The following COL6A5 variants were observed in gnomAD, a reference collection of about 807,000 sequenced individuals.
The protein encoded by COL6A5 is collagen type VI alpha 5 chain.
COL6A5 carries 48 observed loss-of-function variants against 65.6 expected under a neutral mutation model. The ratio of observed to expected loss-of-function variants is 0.73; its 90% CI spans 0.58 to 0.93. COL6A5 has a LOEUF of 0.93. Among genes scored for constraint, COL6A5 ranks in the 40% least tolerant of loss-of-function variants. The probability of loss-of-function intolerance (pLI) is 0.00; values close to 1 mark genes in which losing one functional copy is unlikely to be tolerated. For missense variants in COL6A5, 914 were observed against 928.3 expected (o/e 0.98, Z 0.20); for synonymous variants, 291 against 322.8 (o/e 0.90, Z 1.05).
At chr3:130,425,436 A>G (rs1418179017) in intron 29 of COL6A5, among the ~76,000 whole-genome samples, 1 of 152,168 alleles carries the variant, frequency 6.6e-6, no homozygotes, top group African/African-American at 2.4e-5. Flanking sequence ...TGAAGTGAGC[A>G]TACAGGCATT....
chr3:130,411,774 C>G (rs1937183212), intron 20 of COL6A5, among the ~76,000 whole-genome samples: 1 of 152,108 alleles, frequency 6.6e-6, no homozygotes, highest in African/African-American at 2.4e-5. Context: ...GTGGTATAGG[C>G]AATAAATCAT....
At chr3:130,484,007 A>G (rs544395271) in intron 7 of COL6A5, 28 bp from the exon 41 acceptor site, 5 of 1,600,622 alleles carry the variant, frequency 3.1e-6, no homozygotes, top group Non-Finnish European at 4.3e-6. Context: ...ATGACATTAA[A>G]AGCAGTGAAT....
chr3:130,455,514 T>TAA lies in COL6A5; in HGVS notation c.1394_1395dup (p.Asn466LysfsTer10), dbSNP rs1479590954. 2.5e-6 allele frequency: 4 copies of TAA among 1,612,770 alleles called. No individual in the cohort carries two copies. The African/African-American group carries it at 5.3e-5, about 22-fold the overall frequency. On this transcript the variant is annotated frameshift_variant, in exon 5 of 8. Transcript: ENST00000512836. LOFTEE classifies it high-confidence loss of function. Reference sequence around the variant, plus strand: ...GGTAATGGCTTCATTGGCCAAGAATTAAATTCTGGGAGAGAATCACCTTTT... The same window carrying TAA: ...GGTAATGGCTTCATTGGCCAAGAATTAAAAATTCTGGGAGAGAATCACCTTTT...
chr3:130,404,473 T>G (rs895817219), intron 13 of COL6A5, among the ~76,000 whole-genome samples: 6 of 152,160 alleles, frequency 3.9e-5, no homozygotes, highest in African/African-American at 1.4e-4. Context: ...GACCCTCAGT[T>G]TTCTCATCTG....
At chr3:130,391,902 A>G in intron 7 of COL6A5, 148 bp downstream of exon 7, 2 of 685,608 alleles carry the variant, frequency 2.9e-6, no homozygotes, top group Non-Finnish European at 4.8e-6. Flanking sequence ...CTCTAAAAGA[A>G]ATGGGTTGAT....
Position 130,410,179 on chromosome 3 carries a change from C to T in COL6A5, c.4608+105C>T, listed in dbSNP as rs1027112037. Reference sequence around the variant, plus strand: ...TGTAATTGAACAAATGCTCTTAAGACCACATTGAAAAGACCTTTATTTTTT... The same window carrying T: ...TGTAATTGAACAAATGCTCTTAAGATCACATTGAAAAGACCTTTATTTTTT... On this transcript the variant is annotated intron_variant and NMD_transcript_variant, in intron 19 of 41. Transcript: ENST00000312481. 2.4e-5 allele frequency: 20 copies of T among 849,322 alleles called. No individual in the cohort carries two copies. In the African/African-American group the frequency reaches 2.9e-4, roughly 12 times the overall value. 52.6% of individuals were successfully genotyped at this position (849,322 alleles called of 1,614,324 possible). A position where few individuals can be genotyped will look rare whatever the true frequency, so the allele number is the denominator to read the frequency against.
chr3:130,388,451 A>G (rs1196888682), intron 5 of COL6A5, 129 bp from the exon 6 acceptor site: 9 of 783,910 alleles, frequency 1.1e-5, no homozygotes, highest in Non-Finnish European at 1.5e-5. Context: ...ACAATTTTCA[A>G]ACATAACAAC....
In COL6A5 at chr3:130,468,986, CTG is replaced by C. The variant is rs1198327468; in HGVS notation, c.1737_1738del (p.Leu580HisfsTer21). On this transcript the variant is annotated frameshift_variant, in exon 6 of 8. Transcript: ENST00000512836. LOFTEE classifies it high-confidence loss of function. ...TTACTTTCACATTGCCCCCACTCCA[CTG>C]ACCTCCACCTTAGGAGACAGGGTTG... 2.5e-6 allele frequency: 4 copies of C among 1,612,874 alleles called. No individual in the cohort carries two copies. The highest frequency in any genetic ancestry group is 3.4e-6 in the Non-Finnish European group (4 of 1,179,380).
intron 1 of COL6A5, 94 bp downstream of exon 33, chr3:130,432,043 T>G: frequency 7.6e-7 from 1 of 1,310,518 alleles, no homozygotes; most frequent in African/African-American, 1.5e-5. Flanking sequence ...AAGAAATATA[T>G]GTGGCCTCTT....
rs1187601392 is a variant in COL6A5, at chr3:130,431,830, A to T, written c.370A>T (p.Ser124Cys). Residue 124 changes from serine (S) to cysteine (C), a missense_variant, in exon 1 of 8, where the codon AGC (serine) becomes TGC (cysteine). Coordinates refer to ENST00000512836, the Ensembl canonical transcript of COL6A5. ...CGTGAGGAGAGTTGCTGTGTTTTTT[A>T]GCAATGGTCAAACAGCCAGTAGGTC... 5 of 1,551,630 alleles carry T rather than the reference A, an allele frequency of 3.2e-6. No homozygotes were observed. In the South Asian group the frequency reaches 5.9e-5, roughly 18 times the overall value.
intron 17 of COL6A5, among the ~76,000 whole-genome samples, chr3:130,408,288 T>TGGGGGGAGGGGGG (rs1937065607): frequency 4.5e-5 from 1 of 22,004 alleles, no homozygotes; most frequent in East Asian, 1.4e-3. Flanking sequence ...TGGCAGGGGG[T>TGGGGGGAGGGGGG]GGGGGCGGGT....
Position 130,403,718 on chromosome 3 carries a change from CACACACACACAA to C in COL6A5, c.4281+65_4281+76del. 5.7e-6 allele frequency: 7 copies of C among 1,238,362 alleles called. No homozygotes were observed. In the South Asian group the frequency reaches 1.0e-4, roughly 19 times the overall value. The allele number at this position is 1,238,362 out of a possible 1,614,324, so 76.7% of individuals were successfully genotyped here. ...GTTGCACACACACTGTACACACACA[CACACACACACAA>C]ACACACACTTATTTTCTTTTTCATA... On this transcript the variant is annotated intron_variant and NMD_transcript_variant, in intron 13 of 41. Transcript: ENST00000312481.
chr3:130,433,908 C>T lies in COL6A5; in HGVS notation c.487+1959C>T, dbSNP rs554831527. 1.4e-3 allele frequency among the ~76,000 whole-genome samples: 218 copies of T among 150,908 alleles called. 2 individuals are homozygous for T. The highest frequency in any genetic ancestry group is 2.2e-4 in the Non-Finnish European group (15 of 67,740). ...TCCCTTGTTTTTGGCATTATTATTT[C>T]TTTTGGCAAGTCTGCTCTAAAATAG... On this transcript the variant is annotated intron_variant, in intron 1 of 7. Coordinates refer to ENST00000512836, the Ensembl canonical transcript of COL6A5.
chr3:130,468,973 T>C (rs322113), exon 6 of COL6A5: 1,473,954 of 1,612,608 alleles, frequency 0.91, 674,172 homozygotes, highest in South Asian at 0.93. Flanking sequence ...ACTTTCACAT[T>C]GCCCCCACTC....
At chr3:130,361,638 A>T (rs1332005187) in intron 1 of COL6A5, among the ~76,000 whole-genome samples, 2 of 152,060 alleles carry the variant, frequency 1.3e-5, no homozygotes, top group Non-Finnish European at 2.9e-5. Flanking sequence ...TAGTTTTGTA[A>T]GAAACTATTG....
chr3:130,484,156 G>A (rs1341940203), exon 8 of COL6A5: 9 of 1,112,908 alleles, frequency 8.1e-6, no homozygotes, highest in Admixed American at 3.0e-5. Flanking sequence ...AAATGACAGG[G>A]ACTTTTCACA....
Position 130,397,649 on chromosome 3 carries a change from A to G in COL6A5, c.3635A>G (p.Gln1212Arg). 6.4e-7 allele frequency: 1 copy of G among 1,551,532 alleles called. No individual in the cohort carries two copies. Among genetic ancestry groups the G allele is most frequent in the Non-Finnish European group, 8.7e-7 (1 of 1,146,904 alleles). Residue 1212 changes from glutamine (Q) to arginine (R), a missense_variant and NMD_transcript_variant, in exon 9 of 42, where the codon CAG becomes CGG. Gln to Arg is a conservative substitution (Grantham distance 43). Transcript: ENST00000312481. ...CATGTGCAGGGGCAGCCTTTGTTCC[A>G]GGGCCACCCCCAGCTGGAATCCTAC... is the stretch of plus-strand genomic sequence containing the variant.
intron 21 of COL6A5, 47 bp from the exon 22 acceptor site, chr3:130,414,022 G>C (rs1295460904): frequency 7.2e-7 from 1 of 1,391,836 alleles, no homozygotes; most frequent in East Asian, 2.5e-5. Flanking sequence ...AATCTATATG[G>C]AAACAACGTG....
intron 20 of COL6A5, among the ~76,000 whole-genome samples, chr3:130,412,146 T>C (rs541945231): frequency 6.6e-6 from 1 of 152,264 alleles, no homozygotes; most frequent in South Asian, 2.1e-4. Flanking sequence ...GCCCTATGCT[T>C]TTTGCCTGCC....
Sources: allele counts gnomAD v4.1 joint callset (sites outside exome capture counted in the v4.1 genomes callset), GRCh38; gene constraint gnomAD v4.1.1; transcripts MANE v1.5; gene names NCBI Gene and HGNC (gene_info 2026-07-23, HGNC 2026-07-21).